PLCB1: variants seen among roughly 807,000 people sequenced by gnomAD.
PLCB1 encodes 1-phosphatidylinositol 4,5-bisphosphate phosphodiesterase beta-1.
In PLCB1, 46 loss-of-function variants were observed where a neutral mutation model predicts 161.8. The ratio of observed to expected loss-of-function variants is 0.28; its 90% confidence interval spans 0.22 to 0.36. The LOEUF (loss-of-function observed/expected upper bound fraction) is 0.36, where lower values mean the gene tolerates loss of function less well. Among genes scored for constraint, PLCB1 ranks in the 10% least tolerant of loss-of-function variants. The pLI is 1.00. For synonymous variants in PLCB1, 517 were observed against 503.7 expected (o/e 1.03, Z -0.35); for missense variants, 1,016 against 1,472.5 (o/e 0.69, Z 5.07).
chr20:8,314,963 T>C (rs911392749), intron 2 of PLCB1, among the ~76,000 whole-genome samples: 1 of 152,302 alleles, frequency 6.6e-6, no homozygotes, highest in East Asian at 1.9e-4. Flanking sequence ...TTTGACCTTA[T>C]GCAATTGTGG....
At chr20:8,563,788 G>T (rs1986231214) in intron 3 of PLCB1, among the ~76,000 whole-genome samples, 1 of 151,966 alleles carries the variant, frequency 6.6e-6, no homozygotes, top group South Asian at 2.1e-4. Context: ...CAACTTACAA[G>T]GGATGTGAAG....
intron 4 of PLCB1, among the ~76,000 whole-genome samples, chr20:8,636,510 ATTTGTTT>A: frequency 6.6e-6 from 1 of 152,368 alleles, no homozygotes; most frequent in East Asian, 1.9e-4. Flanking sequence ...TATCTGGAAC[ATTTGTTT>A]AAAAGCTCAT....
chr20:8,306,460 A>G (rs753462441), intron 2 of PLCB1: 10 of 152,214 alleles, frequency 6.6e-5, no homozygotes, highest in Non-Finnish European at 1.5e-4. Context: ...AGATTTACTT[A>G]AGTTTTGGAT....
chr20:8,828,969 A>G (rs1985848991), intron 31 of PLCB1, among the ~76,000 whole-genome samples: 1 of 152,130 alleles, frequency 6.6e-6, no homozygotes, highest in Non-Finnish European at 1.5e-5. Context: ...CACATATAAT[A>G]AAGTATTCTT....
At chr20:8,628,976 T>G (rs1049164248) in intron 4 of PLCB1, among the ~76,000 whole-genome samples, 1 of 152,072 alleles carries the variant, frequency 6.6e-6, no homozygotes, top group African/African-American at 2.4e-5. Context: ...GCATTTGATA[T>G]AGTTTCTTTG....
intron 9 of PLCB1, among the ~76,000 whole-genome samples, chr20:8,661,993 T>C (rs866586428): frequency 3.2e-4 from 9 of 28,360 alleles, no homozygotes; most frequent in African/African-American, 7.5e-4. Flanking sequence ...TATAATTATA[T>C]AATTATTTAT....
In PLCB1 at chr20:8,194,574, A is replaced by G. The variant is rs144460412; in HGVS notation, c.177+44203A>G. Among the ~76,000 whole-genome samples the G allele has an allele frequency of 7.7e-3, 1,177 of 152,210 alleles. 15 individuals carry two copies. The highest frequency in any genetic ancestry group is 0.025 in the African/African-American group (1,049 of 41,562). On this transcript the variant is annotated intron_variant, in intron 2 of 31. Transcript: ENST00000338037. The stretch of plus-strand genomic sequence containing the variant: ...GTACATGTCTCTTTTATTACCACAC[A>G]TATAATTCTGGTAAAAATTATGATG...
At chr20:8,627,383 AAG>A (rs5840272) in intron 3 of PLCB1, among the ~76,000 whole-genome samples, 31,570 of 152,072 alleles carry the variant, frequency 0.21, 3,493 homozygotes, top group Admixed American at 0.31. Flanking sequence ...AACCTCCAAA[AAG>A]AGGTCAGAAT....
chr20:8,759,500 T>C (rs944046571), intron 24 of PLCB1, among the ~76,000 whole-genome samples: 3 of 152,156 alleles, frequency 2.0e-5, no homozygotes, highest in Admixed American at 1.3e-4. Context: ...TTATTTTTAT[T>C]TTACTTTATT....
chr20:8,406,752 T>C (rs761043782), intron 3 of PLCB1, among the ~76,000 whole-genome samples: 21 of 152,324 alleles, frequency 1.4e-4, no homozygotes, highest in Non-Finnish European at 1.3e-4. Context: ...GTTTTACCAG[T>C]ATTACAGTAA....
intron 3 of PLCB1, among the ~76,000 whole-genome samples, chr20:8,435,566 G>A (rs771938): frequency 0.47 from 71,720 of 151,920 alleles, 17,688 homozygotes; most frequent in East Asian, 0.69. Context: ...AAATATGACA[G>A]CCTCCGGAAC....
intron 3 of PLCB1, among the ~76,000 whole-genome samples, chr20:8,583,339 G>C (rs1986891574): frequency 6.6e-6 from 1 of 151,950 alleles, no homozygotes; most frequent in African/African-American, 2.4e-5. Context: ...AATGGTAAAA[G>C]TGATAAATTC....
intron 3 of PLCB1, among the ~76,000 whole-genome samples, chr20:8,541,562 G>GAGAAAAAAGAAAGAAAGAA (rs1555769022): frequency 2.6e-5 from 3 of 114,348 alleles, no homozygotes; most frequent in Non-Finnish European, 5.3e-5. Context: ...AAGGAAGAAA[G>GAGAAAAAAGAAAGAAAGAA]AGAAAGAAAG....
intron 23 of PLCB1, chr20:8,752,412 AG>A (rs1981525580): frequency 6.6e-6 from 1 of 152,162 alleles, no homozygotes; most frequent in Admixed American, 6.5e-5. Flanking sequence ...GCTGTGAAAA[AG>A]CTGTTGTATA....
At chr20:8,361,676 T>G (rs570728973) in intron 2 of PLCB1, among the ~76,000 whole-genome samples, 2 of 152,130 alleles carry the variant, frequency 1.3e-5, no homozygotes, top group Non-Finnish European at 2.9e-5. Context: ...AAGGTAAGAT[T>G]GAGGGAGTAG....
intron 31 of PLCB1, among the ~76,000 whole-genome samples, chr20:8,808,793 C>G (rs1984667030): frequency 6.6e-6 from 1 of 152,118 alleles, no homozygotes; most frequent in African/African-American, 2.4e-5. Context: ...TGAAGACAAA[C>G]CAGTGGTGAG....
chr20:8,330,094 C>CA (rs1985308763), intron 2 of PLCB1, among the ~76,000 whole-genome samples: 2 of 151,894 alleles, frequency 1.3e-5, no homozygotes, highest in Admixed American at 1.3e-4. Context: ...GATTCTTCTG[C>CA]AAAAAAATGT....
At chr20:8,645,457 A>G (rs1267977621) in intron 4 of PLCB1, among the ~76,000 whole-genome samples, 1 of 152,200 alleles carries the variant, frequency 6.6e-6, no homozygotes, top group Non-Finnish European at 1.5e-5. Flanking sequence ...GTTTCAAATA[A>G]TCACGCAGAA....
At chr20:8,249,415 A>G (rs572111960) in intron 2 of PLCB1, 1 of 152,060 alleles carries the variant, frequency 6.6e-6, no homozygotes, top group East Asian at 2.0e-4. Context: ...TCGGTAATTC[A>G]TGACTTGTTA....
Sources: gnomAD v4.1 joint callset for allele counts (sites outside exome capture counted in the v4.1 genomes callset) on GRCh38, gnomAD v4.1.1 for gene constraint, MANE v1.5 for transcripts, NCBI Gene and HGNC (gene_info 2026-07-23, HGNC 2026-07-21) for gene names.